Variants in IL1RAPL2 observed in about 807,000 individuals in gnomAD.
The protein encoded by IL1RAPL2 is X-linked interleukin-1 receptor accessory protein-like 2.
Under a neutral mutation model 44.1 loss-of-function variants are expected in IL1RAPL2, and 3 were observed. The observed-to-expected ratio is 0.07, with a 90% CI of 0.03 to 0.18. The LOEUF (loss-of-function observed/expected upper bound fraction) is 0.18, where lower values mean the gene tolerates loss of function less well. Ranked by LOEUF, IL1RAPL2 falls within the 10% of genes least tolerant of loss-of-function variation. IL1RAPL2 has a pLI of 1.00. For synonymous variants in IL1RAPL2, 181 were observed against 178.8 expected (o/e 1.01, Z -0.10); for missense variants, 391 against 496.4 (o/e 0.79, Z 2.02).
intron 2 of IL1RAPL2, among the ~76,000 whole-genome samples, chrX:105,037,962 G>T (rs2031658306): frequency 8.9e-6 from 1 of 111,969 alleles, no homozygotes; most frequent in Non-Finnish European, 1.9e-5. Context: ...TCCTTTAAAA[G>T]TATTATGTTG....
intron 6 of IL1RAPL2, among the ~76,000 whole-genome samples, chrX:105,560,405 T>G (rs2036926809): frequency 9.0e-6 from 1 of 111,497 alleles, no homozygotes; most frequent in Non-Finnish European, 1.9e-5. Flanking sequence ...TCTTTTCATG[T>G]AGGGTTTTTA....
intron 4 of IL1RAPL2, among the ~76,000 whole-genome samples, chrX:105,266,486 A>C (rs2034403886): frequency 8.9e-6 from 1 of 111,995 alleles, no homozygotes; most frequent in Non-Finnish European, 1.9e-5. Context: ...TCTAATAAGT[A>C]GTCTGAAAAA....
intron 5 of IL1RAPL2, among the ~76,000 whole-genome samples, chrX:105,425,978 A>G (rs917439605): frequency 4.7e-5 from 5 of 106,829 alleles, no homozygotes; most frequent in Admixed American, 3.0e-4. Context: ...CTGCCAAAAC[A>G]TGTATCAAAA....
intron 1 of IL1RAPL2, chrX:104,647,867 A>G: frequency 1.6e-6 from 1 of 614,004 alleles, no homozygotes; most frequent in South Asian, 2.3e-5. Context: ...AATGTCCTGT[A>G]CTCCACAGAA....
intron 1 of IL1RAPL2, among the ~76,000 whole-genome samples, chrX:104,608,662 C>CTTTTTTTTTTTTTTTTTTT (rs60105376): frequency 1.7e-5 from 1 of 58,527 alleles, no homozygotes; most frequent in Non-Finnish European, 2.9e-5. Context: ...GCAACCCCTG[C>CTTTTTTTTTTTTTTTTTTT]TTTTTTTTTT....
intron 5 of IL1RAPL2, among the ~76,000 whole-genome samples, chrX:105,351,324 A>C (rs1483803967): frequency 8.9e-6 from 1 of 111,820 alleles, no homozygotes; most frequent in African/African-American, 3.3e-5. Context: ...ATAAAGACAC[A>C]TGCACACATA....
intron 6 of IL1RAPL2, among the ~76,000 whole-genome samples, chrX:105,650,289 A>G (rs770899893): frequency 2.3e-4 from 26 of 111,852 alleles, no homozygotes; most frequent in Non-Finnish European, 4.3e-4. Context: ...CCTAACAGAG[A>G]GCCACTGGTT....
At chrX:104,915,486 A>G (rs1343804038) in intron 2 of IL1RAPL2, among the ~76,000 whole-genome samples, 1 of 111,175 alleles carries the variant, frequency 9.0e-6, no homozygotes, top group Non-Finnish European at 1.9e-5. Context: ...AGATGAGTAG[A>G]TTGCAAAAAT....
At chrX:105,542,734 TTA>T (rs1185376978) in intron 6 of IL1RAPL2, among the ~76,000 whole-genome samples, 42 of 90,546 alleles carry the variant, frequency 4.6e-4, no homozygotes, top group South Asian at 1.5e-3. Context: ...TTTATTTAAT[TTA>T]TTATTTTTTT....
intron 6 of IL1RAPL2, among the ~76,000 whole-genome samples, chrX:105,679,475 C>A (rs1424959151): frequency 8.9e-6 from 1 of 111,741 alleles, no homozygotes; most frequent in African/African-American, 3.3e-5. Flanking sequence ...AAATAAAAGT[C>A]AAAAGAGCTA....
chrX:105,531,988 G>A (rs1387074655), intron 6 of IL1RAPL2, among the ~76,000 whole-genome samples: 1 of 111,760 alleles, frequency 8.9e-6, no homozygotes, highest in African/African-American at 3.3e-5. Context: ...AGACAGGTAT[G>A]TGATTCCTCC....
chrX:104,877,602 T>C (rs1922943100), intron 2 of IL1RAPL2, among the ~76,000 whole-genome samples: 1 of 112,587 alleles, frequency 8.9e-6, no homozygotes, highest in Non-Finnish European at 1.9e-5. Flanking sequence ...AAATCAGCAT[T>C]AGTGTAGAAC....
chrX:105,633,613 TA>T (rs2037505381), intron 6 of IL1RAPL2, among the ~76,000 whole-genome samples: 1 of 111,716 alleles, frequency 9.0e-6, no homozygotes, highest in Non-Finnish European at 1.9e-5. Flanking sequence ...GATGTGGACT[TA>T]AAAGCCCTAG....
At chrX:105,076,073 G>C (rs1385475334) in intron 2 of IL1RAPL2, among the ~76,000 whole-genome samples, 2 of 110,927 alleles carry the variant, frequency 1.8e-5, no homozygotes, top group African/African-American at 6.6e-5. Flanking sequence ...GTTATTTCTT[G>C]CCTTCTGCTA....
At chrX:105,244,543 CAGAG>C (rs1009173526) in intron 4 of IL1RAPL2, among the ~76,000 whole-genome samples, 8 of 111,158 alleles carry the variant, frequency 7.2e-5, no homozygotes, top group African/African-American at 2.3e-4. Flanking sequence ...CAAAGAAACT[CAGAG>C]AGCTCAAAAC....
chrX:105,664,665 A>G (rs1284829082), intron 6 of IL1RAPL2, among the ~76,000 whole-genome samples: 1 of 111,748 alleles, frequency 8.9e-6, no homozygotes, highest in Admixed American at 9.5e-5. Context: ...TACTTTCCCC[A>G]AAACAGAATG....
At chrX:105,167,061 T>A (rs1453143614) in intron 2 of IL1RAPL2, among the ~76,000 whole-genome samples, 3 of 112,480 alleles carry the variant, frequency 2.7e-5, no homozygotes, top group African/African-American at 6.4e-5. Context: ...GATTTGATCT[T>A]GCCCTTCTTC....
intron 2 of IL1RAPL2, among the ~76,000 whole-genome samples, chrX:104,842,446 C>G (rs1470892307): frequency 9.0e-6 from 1 of 111,016 alleles, no homozygotes; most frequent in Non-Finnish European, 1.9e-5. Flanking sequence ...AGAGGTGTTG[C>G]AATCATTTGG....
intron 2 of IL1RAPL2, among the ~76,000 whole-genome samples, chrX:104,966,527 A>T (rs1354699737): frequency 8.9e-6 from 1 of 112,152 alleles, no homozygotes; most frequent in Non-Finnish European, 1.9e-5. Flanking sequence ...TGAGAATTCA[A>T]TTCACTAGGA....
Sources: gnomAD v4.1 joint callset for allele counts (sites outside exome capture counted in the v4.1 genomes callset) on GRCh38, gnomAD v4.1.1 for gene constraint, MANE v1.5 for transcripts, NCBI Gene and HGNC (gene_info 2026-07-23, HGNC 2026-07-21) for gene names.